Variants in PLD5 observed in about 807,000 individuals in gnomAD.
The protein encoded by PLD5 is inactive phospholipase D5.
In PLD5, 36 loss-of-function variants were observed where a neutral mutation model predicts 61.1. The ratio of observed to expected loss-of-function variants is 0.59; its 90% CI spans 0.45 to 0.78. The LOEUF (loss-of-function observed/expected upper bound fraction) is 0.78. PLD5 is among the 30% of genes least tolerant of loss of function. The pLI is 0.00. For missense variants in PLD5, 515 were observed against 644.4 expected, an observed-to-expected ratio of 0.80 and a Z score of 2.17; for synonymous variants, 243 against 242.8, an observed-to-expected ratio of 1.00 and a Z score of -0.01.
In PLD5 at chr1:242,189,470, G is replaced by A. The variant is rs1246237416; in HGVS notation, c.735+30518C>T. Among the ~76,000 whole-genome samples the A allele has an allele frequency of 4.3e-5, 6 of 139,252 alleles. No homozygotes were observed. In the East Asian group the frequency reaches 6.3e-4, roughly 15 times the overall value. The allele number at this position is 139,252 out of a possible 152,430, so 91.4% of individuals were successfully genotyped here. A position where few individuals can be genotyped will look rare whatever the true frequency, so the allele number is the denominator to read the frequency against. On this transcript the variant is annotated intron_variant, in intron 5 of 9. Transcript: ENST00000536534. Reference sequence around the variant, plus strand: ...CAAAAAAAAAAAAAAAAAAAAAAAGGATTTTAGAGCTCTGTCCACACTGGG... The same window carrying A: ...CAAAAAAAAAAAAAAAAAAAAAAAGAATTTTAGAGCTCTGTCCACACTGGG...
In PLD5 at chr1:242,089,927, A is replaced by G. The variant is rs534999145; in HGVS notation, c.1538T>C (p.Leu513Pro). The change falls in exon 10 of 10, where the codon CTG (leucine) becomes CCG (proline). Residue 513 changes from leucine to proline, a missense_variant. Physicochemically the swap from Leu to Pro is moderately conservative, Grantham distance 98. Transcript: ENST00000536534. ...QPTKQPNCSS[L>P]FKLKPLSNKT... ...GTTGGAGAGGGGTTTGAGTTTGAAC[A>G]GGCTTGAGCAGTTCGGCTGTTTGGT... The G allele has an allele frequency of 6.2e-7, 1 of 1,614,184 alleles. No homozygotes were observed. Among genetic ancestry groups the G allele is most frequent in the African/African-American group, 1.3e-5 (1 of 75,046 alleles).
Position 242,233,394 on chromosome 1 carries a change from C to T in PLD5, c.608-13279G>A, listed in dbSNP as rs548674138. On this transcript the variant is annotated intron_variant, in intron 4 of 9. Coordinates refer to ENST00000536534, the MANE Select transcript of PLD5 (RefSeq NM_001372062.1). ...ATTCTCCTGGCCTCTGGCTCAGAAT[C>T]ACACAACAATCTGAATGACTCTGAT... Among the ~76,000 whole-genome samples, 25 of 152,168 alleles carry T rather than the reference C, an allele frequency of 1.6e-4. 1 individual carries two copies. The highest frequency in any genetic ancestry group is 1.3e-4 in the Admixed American group (2 of 15,278).
At chr1:242,184,078 G>A (rs1030870394) in intron 5 of PLD5, among the ~76,000 whole-genome samples, 1 of 152,156 alleles carries the variant, frequency 6.6e-6, no homozygotes, top group African/African-American at 2.4e-5. Flanking sequence ...GACCTGTTCA[G>A]CACTGCACAG....
chr1:242,342,155 G>T (rs1247979218), intron 2 of PLD5, among the ~76,000 whole-genome samples: 1 of 152,208 alleles, frequency 6.6e-6, no homozygotes, highest in African/African-American at 2.4e-5. Context: ...GGAGGAGAAG[G>T]ATGCTGACTG....
chr1:242,151,279 T>G (rs1156328080), intron 5 of PLD5, among the ~76,000 whole-genome samples: 6 of 151,998 alleles, frequency 3.9e-5, no homozygotes, highest in African/African-American at 7.2e-5. Flanking sequence ...CTTTCTGTGA[T>G]CATATTCTTT....
At chr1:242,351,145 C>G (rs1329297209) in intron 1 of PLD5, among the ~76,000 whole-genome samples, 1 of 152,100 alleles carries the variant, frequency 6.6e-6, no homozygotes, top group East Asian at 1.9e-4. Context: ...AGGTGATCCA[C>G]CCACCTCAGT....
At chr1:242,514,598 GA>G (rs765402957) in intron 1 of PLD5, among the ~76,000 whole-genome samples, 1 of 149,882 alleles carries the variant, frequency 6.7e-6, no homozygotes, top group Non-Finnish European at 1.5e-5. Context: ...AATAAAAGTT[GA>G]AAAAAGTCAA....
chr1:242,438,287 G>A (rs1420065508), intron 1 of PLD5, among the ~76,000 whole-genome samples: 1 of 146,370 alleles, frequency 6.8e-6, no homozygotes, highest in African/African-American at 2.5e-5. Flanking sequence ...TTTTTGAGAT[G>A]GAGTCTCTCT....
At chr1:242,219,723 T>C (rs560575258) in intron 5 of PLD5, among the ~76,000 whole-genome samples, 16 of 152,308 alleles carry the variant, frequency 1.1e-4, no homozygotes, top group Admixed American at 6.5e-4. Context: ...GTCAATTACA[T>C]AGCAACCTGC....
intron 1 of PLD5, among the ~76,000 whole-genome samples, chr1:242,444,249 A>C (rs1351322456): frequency 1.3e-5 from 2 of 152,172 alleles, no homozygotes; most frequent in African/African-American, 4.8e-5. Context: ...CAATTTCCCA[A>C]AAACTTGTCA....
intron 1 of PLD5, among the ~76,000 whole-genome samples, chr1:242,471,361 C>T (rs1241273952): frequency 6.6e-6 from 1 of 152,176 alleles, no homozygotes; most frequent in Non-Finnish European, 1.5e-5. Context: ...CAGATTTAGG[C>T]TACTCCTGAG....
chr1:242,117,612 C>T (rs1662046306), intron 6 of PLD5, among the ~76,000 whole-genome samples: 1 of 152,134 alleles, frequency 6.6e-6, no homozygotes, highest in Admixed American at 6.5e-5. Flanking sequence ...AACACCTGAC[C>T]TCATGATCCA....
chr1:242,297,886 G>A (rs1409204376), intron 2 of PLD5, among the ~76,000 whole-genome samples: 3 of 151,648 alleles, frequency 2.0e-5, no homozygotes, highest in Non-Finnish European at 4.4e-5. Context: ...TGATCCACCC[G>A]CCTCGGCCTC....
intron 1 of PLD5, among the ~76,000 whole-genome samples, chr1:242,385,902 C>T (rs993032374): frequency 6.6e-6 from 1 of 152,180 alleles, no homozygotes; most frequent in African/African-American, 2.4e-5. Flanking sequence ...TAGTGAAATG[C>T]CATACACTGA....
chr1:242,268,948 T>G (rs1239105553), intron 3 of PLD5, among the ~76,000 whole-genome samples: 2 of 152,260 alleles, frequency 1.3e-5, no homozygotes, highest in East Asian at 1.9e-4. Flanking sequence ...GTTCAAGTGA[T>G]TCTCCTGCCT....
intron 1 of PLD5, among the ~76,000 whole-genome samples, chr1:242,457,502 C>T (rs554958614): frequency 1.3e-5 from 2 of 152,224 alleles, no homozygotes; most frequent in Admixed American, 1.3e-4. Context: ...TCTATTTTAA[C>T]GTGGGGAAGA....
chr1:242,278,353 T>A (rs1428965275), intron 3 of PLD5, among the ~76,000 whole-genome samples: 1 of 152,234 alleles, frequency 6.6e-6, no homozygotes, highest in Non-Finnish European at 1.5e-5. Flanking sequence ...AGGTTCATGA[T>A]TTATTCATGG....
chr1:242,083,978 G>A lies in PLD5; in HGVS notation c.*5876C>T, dbSNP rs1327122416. ...AATTTTCCGCCCATGGGGAATAGGAGAGTCCATAAGGGAATTAATAATTTT... is the reference window on the plus strand; with the variant it reads ...AATTTTCCGCCCATGGGGAATAGGAAAGTCCATAAGGGAATTAATAATTTT... On this transcript the variant is annotated 3_prime_UTR_variant, in exon 10 of 10. Coordinates refer to ENST00000536534, the MANE Select transcript of PLD5 (RefSeq NM_001372062.1). 2 of 152,252 alleles carry A rather than the reference G, an allele frequency of 1.3e-5. No individual in the cohort carries two copies. The highest frequency in any genetic ancestry group is 3.4e-3 in the Middle Eastern group (1 of 294). 9.4% of individuals were successfully genotyped at this position (152,252 alleles called of 1,614,324 possible).
At chr1:242,226,558 C>A (rs1187189164) in intron 4 of PLD5, among the ~76,000 whole-genome samples, 2 of 152,180 alleles carry the variant, frequency 1.3e-5, no homozygotes, top group Admixed American at 1.3e-4. Flanking sequence ...AAACAACAAA[C>A]AAGGCTAAGG....
Sources: gnomAD v4.1 joint callset for allele counts (sites outside exome capture counted in the v4.1 genomes callset) on GRCh38, gnomAD v4.1.1 for gene constraint, MANE v1.5 for transcripts, NCBI Gene and HGNC (gene_info 2026-07-23, HGNC 2026-07-21) for gene names.